Variants in EDNRB observed in about 807,000 individuals in gnomAD.
The protein encoded by EDNRB is Hirschsprung disease 2.
Under a neutral mutation model 46.4 loss-of-function variants are expected in EDNRB, and 18 were observed. The ratio of observed to expected loss-of-function variants is 0.39; its 90% CI spans 0.27 to 0.57. EDNRB has a LOEUF of 0.57. Ranked by LOEUF, EDNRB falls within the 20% of genes least tolerant of loss-of-function variation. The pLI, the probability that EDNRB is intolerant of heterozygous loss-of-function variation, is 0.61. For missense variants in EDNRB, 434 were observed against 537.5 expected (o/e 0.81, Z 1.90); for synonymous variants, 213 against 204.9 (o/e 1.04, Z -0.34).
intron 1 of EDNRB, among the ~76,000 whole-genome samples, chr13:77,940,344 G>C (rs148508091): frequency 5.0e-4 from 75 of 151,058 alleles, no homozygotes; most frequent in Middle Eastern, 6.8e-3. Context: ...TTTTTTCATA[G>C]AGAAGGTGAT....
In EDNRB at chr13:77,896,966, C is replaced by T. The variant is rs200675210; in HGVS notation, c.*1234G>A. On this transcript the variant is annotated 3_prime_UTR_variant, in exon 7 of 7. Transcript: ENST00000646607. ...CATGTCAAGCAAACTTTTCTATTGG[C>T]TATTTACAAAAATAATACAAAAATT... 28 of 991,310 alleles carry T rather than the reference C, an allele frequency of 2.8e-5. No homozygotes were observed. The highest frequency in any genetic ancestry group is 3.2e-5 in the Non-Finnish European group (27 of 833,950). 61.4% of individuals were successfully genotyped at this position (991,310 alleles called of 1,614,324 possible).
intron 1 of EDNRB, among the ~76,000 whole-genome samples, chr13:77,910,666 G>A (rs1879521422): frequency 6.6e-6 from 1 of 151,976 alleles, no homozygotes; most frequent in Non-Finnish European, 1.5e-5. Context: ...ATGTGAGTTA[G>A]AAATATGTGG....
At chr13:77,932,328 G>A (rs1239541478) in intron 1 of EDNRB, among the ~76,000 whole-genome samples, 1 of 152,172 alleles carries the variant, frequency 6.6e-6, no homozygotes, top group Non-Finnish European at 1.5e-5. Context: ...GTAGGGACAT[G>A]TTGAAAAGAT....
At chr13:77,958,736 C>G (rs1159197759) in intron 1 of EDNRB, among the ~76,000 whole-genome samples, 6 of 152,200 alleles carry the variant, frequency 3.9e-5, no homozygotes, top group Non-Finnish European at 8.8e-5. Context: ...TGAGACTAAA[C>G]AAGATCTAAA....
chr13:77,953,376 A>G (rs1881146982), intron 1 of EDNRB, among the ~76,000 whole-genome samples: 1 of 151,220 alleles, frequency 6.6e-6, no homozygotes, highest in Non-Finnish European at 1.5e-5. Flanking sequence ...ATAAATATAT[A>G]TATATATCTT....
chr13:77,907,606 A>T (rs1879345553), intron 1 of EDNRB, among the ~76,000 whole-genome samples: 1 of 151,988 alleles, frequency 6.6e-6, no homozygotes, highest in Non-Finnish European at 1.5e-5. Context: ...TATTTTATTC[A>T]AATAATGTAC....
chr13:77,947,981 G>A (rs538452278), intron 1 of EDNRB, among the ~76,000 whole-genome samples: 1 of 152,142 alleles, frequency 6.6e-6, no homozygotes, highest in South Asian at 2.1e-4. Flanking sequence ...TCTCTCAATA[G>A]CAATTAGAAG....
chr13:77,958,336 C>G (rs1881298669), intron 1 of EDNRB, among the ~76,000 whole-genome samples: 1 of 149,232 alleles, frequency 6.7e-6, no homozygotes, highest in African/African-American at 2.5e-5. Flanking sequence ...TCAAATTTTC[C>G]CAGGTTATTT....
At chr13:77,971,972 CTGAT>C (rs1233226883) in intron 1 of EDNRB, among the ~76,000 whole-genome samples, 2 of 152,182 alleles carry the variant, frequency 1.3e-5, no homozygotes, top group Non-Finnish European at 2.9e-5. Context: ...CAAGGGCTGA[CTGAT>C]TGATAAGCTC....
intron 1 of EDNRB, among the ~76,000 whole-genome samples, chr13:77,917,355 C>T (rs12720165): frequency 2.0e-5 from 3 of 152,234 alleles, no homozygotes; most frequent in African/African-American, 7.2e-5. Context: ...TACAAAGTAG[C>T]TACAGTCCGT....
At chr13:77,947,504 TA>T in intron 1 of EDNRB, 1 of 152,232 alleles carries the variant, frequency 6.6e-6, no homozygotes, top group East Asian at 1.9e-4. Context: ...TTTTTATTTT[TA>T]TTTTTTTTAG....
intron 1 of EDNRB, among the ~76,000 whole-genome samples, chr13:77,931,765 A>AAC (rs1555293060): frequency 6.9e-6 from 1 of 144,304 alleles, no homozygotes; most frequent in African/African-American, 2.5e-5. Context: ...AAAAAACAAA[A>AAC]AAAAAAAAAC....
chr13:77,919,557 T>C (rs759369929), upstream of EDNRB: 3 of 1,612,554 alleles, frequency 1.9e-6, no homozygotes, highest in Non-Finnish European at 2.5e-6. Context: ...TGCCAGACAG[T>C]GTAGCCTCCA....
intron 1 of EDNRB, among the ~76,000 whole-genome samples, chr13:77,936,217 C>T (rs561283650): frequency 6.6e-6 from 1 of 152,118 alleles, no homozygotes; most frequent in South Asian, 2.1e-4. Flanking sequence ...AGGCTTTGAA[C>T]TGGGGGAAAA....
exon 1 of EDNRB, chr13:77,975,494 G>A (rs1181770558): frequency 6.6e-6 from 1 of 152,442 alleles, no homozygotes; most frequent in Non-Finnish European, 1.5e-5. Flanking sequence ...CAGGATCCAC[G>A]TTGCTCGGGC....
intron 1 of EDNRB, among the ~76,000 whole-genome samples, chr13:77,958,608 T>C (rs1221155029): frequency 6.6e-6 from 1 of 152,102 alleles, no homozygotes; most frequent in Non-Finnish European, 1.5e-5. Context: ...TCTCCTGACC[T>C]TGGAACCCGC....
At chr13:77,927,197 G>A (rs901010837) in intron 1 of EDNRB, among the ~76,000 whole-genome samples, 1 of 152,124 alleles carries the variant, frequency 6.6e-6, no homozygotes, top group Admixed American at 6.5e-5. Flanking sequence ...ACTTCTCATA[G>A]TAGACGCCTG....
chr13:77,916,187 C>T (rs1192555484), intron 1 of EDNRB, among the ~76,000 whole-genome samples: 3 of 152,288 alleles, frequency 2.0e-5, no homozygotes, highest in South Asian at 4.1e-4. Flanking sequence ...TTCATAAAAT[C>T]CTGTGCCAAC....
intron 1 of EDNRB, among the ~76,000 whole-genome samples, chr13:77,970,342 C>A: frequency 6.6e-6 from 1 of 152,092 alleles, no homozygotes; most frequent in East Asian, 1.9e-4. Flanking sequence ...GAGCCACAGA[C>A]AAAACTCCTC....
Sources: gnomAD v4.1 joint callset for allele counts (sites outside exome capture counted in the v4.1 genomes callset) on GRCh38, gnomAD v4.1.1 for gene constraint, MANE v1.5 for transcripts, NCBI Gene and HGNC (gene_info 2026-07-23, HGNC 2026-07-21) for gene names.